Variants in TBL1Y observed in about 807,000 individuals in gnomAD.
TBL1Y encodes F-box-like/WD repeat-containing protein TBL1Y.
TBL1Y carries 15 observed loss-of-function variants against 12.0 expected under a neutral mutation model. That is an observed-to-expected ratio of 1.25 (90% CI 0.83 to 1.92). TBL1Y has a LOEUF of 1.92. TBL1Y is among the 40% of genes most tolerant of loss of function. The pLI is 0.00. For missense variants in TBL1Y, 148 were observed against 116.7 expected, an observed-to-expected ratio of 1.27 and a Z score of -1.24; for synonymous variants, 53 against 42.6, an observed-to-expected ratio of 1.24 and a Z score of -0.95.
intron 14 of TBL1Y, among the ~76,000 whole-genome samples, chrY:7,083,698 C>T: frequency 1.5e-4 from 5 of 32,338 alleles, no homozygotes; most frequent in Admixed American, 1.1e-3. Context: ...CCTCTCCAAC[C>T]GGTCTGCTGC....
chrY:6,990,560 T>G, intron 3 of TBL1Y, among the ~76,000 whole-genome samples: 4 of 19,512 alleles, frequency 2.1e-4, no homozygotes, highest in African/African-American at 9.6e-4. Flanking sequence ...TCTTTTTTTT[T>G]TTTTTTTTTT....
chrY:7,000,598 G>C (rs966513385), intron 4 of TBL1Y, among the ~76,000 whole-genome samples: 4 of 33,768 alleles, frequency 1.2e-4, no homozygotes, highest in Admixed American at 1.1e-3. Context: ...GACTAAACCT[G>C]GTTCAGGCTA....
At position 7,071,729 on chromosome Y, in the gene TBL1Y, A is replaced by C; in HGVS notation, c.797-4A>C. 2.5e-6 allele frequency: 1 copy of C among 397,073 alleles called. No homozygotes were observed. The highest frequency in any genetic ancestry group is 3.5e-6 in the Non-Finnish European group (1 of 282,523). On this transcript the variant is annotated splice_region_variant and splice_polypyrimidine_tract_variant and intron_variant, in intron 11 of 18. Transcript: ENST00000383032. ...AGAATCAACATGTTTGTTTTTACTA[A>C]CAGGTAACCTGGCCAGCACCTTAGG...
chrY:7,015,728 T>C, intron 4 of TBL1Y, among the ~76,000 whole-genome samples: 2 of 33,596 alleles, frequency 6.0e-5, no homozygotes, highest in African/African-American at 1.2e-4. Flanking sequence ...TTATTATTTT[T>C]GAATAACTTT....
rs554640416 is a variant in TBL1Y at position 7,062,772 on chromosome Y, C to G, written c.205-1125C>G. On this transcript the variant is annotated intron_variant, in intron 7 of 18. Coordinates refer to ENST00000383032, the MANE Select transcript of TBL1Y (RefSeq NM_033284.2). ...AATTTCCCCACTGGAAATTTCTTGC[C>G]TTTTCTACTACTGGAAGTTTGTGTG... Among the ~76,000 whole-genome samples, 21 of 33,523 alleles carry G rather than the reference C, an allele frequency of 6.3e-4. No homozygotes were observed. In the South Asian group the frequency reaches 0.014, roughly 22 times the overall value. 89.9% of individuals were successfully genotyped at this position (33,523 alleles called of 37,273 possible).
chrY:7,080,581 C>T, intron 13 of TBL1Y, 151 bp from the exon 14 acceptor site: 3 of 224,627 alleles, frequency 1.3e-5, no homozygotes, highest in African/African-American at 7.9e-5. Context: ...TAAGCCACTG[C>T]ACTCCAGCCT....
intron 2 of TBL1Y, among the ~76,000 whole-genome samples, chrY:6,954,044 C>T: frequency 8.9e-5 from 3 of 33,788 alleles, no homozygotes; most frequent in Admixed American, 2.7e-4. Context: ...TGGTGGTTTC[C>T]TCTCAGAGGG....
chrY:7,023,321 C>T, intron 5 of TBL1Y, among the ~76,000 whole-genome samples: 1 of 32,820 alleles, frequency 3.0e-5, no homozygotes, highest in East Asian at 8.0e-4. Context: ...TCAAAGTCAT[C>T]CATAACAGAC....
intron 2 of TBL1Y, among the ~76,000 whole-genome samples, chrY:6,966,307 G>A (rs2012168595): frequency 3.1e-5 from 1 of 32,477 alleles, no homozygotes; most frequent in Non-Finnish European, 7.5e-5. Flanking sequence ...CACCTGCCTC[G>A]GCCTTCCAAA....
intron 4 of TBL1Y, among the ~76,000 whole-genome samples, chrY:7,013,553 G>A (rs2012532246): frequency 2.9e-5 from 1 of 34,544 alleles, no homozygotes; most frequent in African/African-American, 1.1e-4. Flanking sequence ...GACGTTCTTT[G>A]TCTAAGTGCT....
rs780165578 is a variant in TBL1Y at position 6,949,088 on chromosome Y, A to T, written c.-265-29125A>T. Among the ~76,000 whole-genome samples the T allele has an allele frequency of 1.2e-4, 4 of 33,488 alleles. No homozygotes were observed. The South Asian group carries it at 2.7e-3, about 23-fold the overall frequency. The allele number at this position is 33,488 out of a possible 37,273, so 89.8% of individuals were successfully genotyped here. ...TTATGATATTGCTACTACATAACTA[A>T]TCTTTGAAACTAAAAAGCAAAAACA... On this transcript the variant is annotated intron_variant, in intron 2 of 18. Transcript: ENST00000383032.
At chrY:7,064,893 C>G in intron 8 of TBL1Y, among the ~76,000 whole-genome samples, 1 of 33,376 alleles carries the variant, frequency 3.0e-5, no homozygotes, top group Admixed American at 2.7e-4. Context: ...AATGTCTCTT[C>G]TATTAAAATA....
intron 3 of TBL1Y, among the ~76,000 whole-genome samples, chrY:6,991,492 C>T (rs2012362989): frequency 3.0e-5 from 1 of 33,343 alleles, no homozygotes; most frequent in South Asian, 6.9e-4. Flanking sequence ...GGATCTTGGA[C>T]TGTGAGCTTA....
At chrY:6,937,890 G>A in intron 2 of TBL1Y, among the ~76,000 whole-genome samples, 1 of 32,798 alleles carries the variant, frequency 3.0e-5, no homozygotes, top group African/African-American at 1.2e-4. Context: ...TGCATCTTTT[G>A]GATGGAGTCA....
chrY:6,978,146 G>C (rs2012256806), intron 2 of TBL1Y, 67 bp from the exon 3 acceptor site: 1 of 34,091 alleles, frequency 2.9e-5, no homozygotes, highest in Non-Finnish European at 7.3e-5. Flanking sequence ...GCACGTACAT[G>C]TTGTATATGT....
chrY:6,952,775 T>C (rs2012041133), intron 2 of TBL1Y, among the ~76,000 whole-genome samples: 2 of 33,673 alleles, frequency 5.9e-5, no homozygotes, highest in Non-Finnish European at 1.5e-4. Context: ...CTGGCATCGA[T>C]GGTCTTTACA....
At chrY:6,998,770 T>A (rs966172970) in intron 4 of TBL1Y, among the ~76,000 whole-genome samples, 1 of 33,202 alleles carries the variant, frequency 3.0e-5, no homozygotes, top group Non-Finnish European at 7.4e-5. Context: ...TCTAGGTAAT[T>A]TCACAACCAC....
chrY:7,006,463 G>T (rs2012486513), intron 4 of TBL1Y, among the ~76,000 whole-genome samples: 2 of 33,544 alleles, frequency 6.0e-5, no homozygotes, highest in Admixed American at 5.5e-4. Context: ...ATTAATTCAA[G>T]ATGGATTAAG....
intron 2 of TBL1Y, among the ~76,000 whole-genome samples, chrY:6,971,116 T>A (rs749443910): frequency 2.9e-5 from 1 of 34,097 alleles, no homozygotes; most frequent in Non-Finnish European, 7.3e-5. Context: ...GCCCCCTTTA[T>A]GTGACAGTCA....
Sources: gnomAD v4.1 joint callset for allele counts (sites outside exome capture counted in the v4.1 genomes callset) on GRCh38, gnomAD v4.1.1 for gene constraint, MANE v1.5 for transcripts, NCBI Gene and HGNC (gene_info 2026-07-23, HGNC 2026-07-21) for gene names.